Variants in SMCO1 observed in about 807,000 individuals in gnomAD.
SMCO1 encodes single-pass membrane protein with coiled-coil domains 1, also known as single-pass membrane and coiled-coil domain-containing protein 1.
Under a neutral mutation model 7.5 loss-of-function variants are expected in SMCO1, and 9 were observed. The observed-to-expected ratio is 1.20, with a 90% confidence interval of 0.72 to 2.09. The LOEUF (loss-of-function observed/expected upper bound fraction) is 2.09. Among genes scored for constraint, SMCO1 ranks in the 30% most tolerant of loss-of-function variants. The pLI is 0.00. For synonymous variants in SMCO1, 90 were observed against 93.8 expected (o/e 0.96, Z 0.23); for missense variants, 219 against 253.1 (o/e 0.87, Z 0.91).
upstream of SMCO1, among the ~76,000 whole-genome samples, chr3:196,516,031 A>ATATG (rs58801625): frequency 9.5e-6 from 1 of 105,704 alleles, no homozygotes; most frequent in Non-Finnish European, 1.9e-5. Context: ...ATATATATAT[A>ATATG]ATTATATATA....
chr3:196,520,491 C>A, the SMCO1 span, among the ~76,000 whole-genome samples: 2 of 152,096 alleles, frequency 1.3e-5, no homozygotes, highest in Non-Finnish European at 2.9e-5. Context: ...TCCAGCTCCA[C>A]CATCTTCAAT....
rs114324444 is a variant in SMCO1, at chr3:196,510,491, G to A, written c.51-822C>T. On this transcript the variant is annotated intron_variant, in intron 1 of 2. Coordinates refer to ENST00000397537, the MANE Select transcript of SMCO1 (RefSeq NM_001077657.3). ...CCTTCACCCTTTGCTCCTATCTTCC[G>A]CCAGTCCCCTCACCCATCCTAGTCA... is the stretch of plus-strand genomic sequence containing the variant. Among the ~76,000 whole-genome samples the A allele has an allele frequency of 6.4e-3, 968 of 152,044 alleles. 11 individuals carry two copies. Among genetic ancestry groups the A allele is most frequent in the African/African-American group, 0.022 (911 of 41,462 alleles).
At chr3:196,518,407 T>C (rs1003482880), upstream of SMCO1, among the ~76,000 whole-genome samples, 1 of 152,258 alleles carries the variant, frequency 6.6e-6, no homozygotes, top group Non-Finnish European at 1.5e-5. Flanking sequence ...TCTATGTTGC[T>C]AATTTTCTCG....
At chr3:196,520,221 G>T (rs139481533), upstream of SMCO1, among the ~76,000 whole-genome samples, 1 of 152,130 alleles carries the variant, frequency 6.6e-6, no homozygotes, top group African/African-American at 2.4e-5. Flanking sequence ...CCAAAAATTC[G>T]ATCTTTTCTG....
intron 2 of SMCO1, 29 bp from the exon 3 acceptor site, chr3:196,508,360 C>T (rs564843882): frequency 1.9e-5 from 29 of 1,543,486 alleles, no homozygotes; most frequent in South Asian, 3.8e-5. Context: ...GCTTCTTAAG[C>T]GGTCAAAAAT....
chr3:196,515,987 GGATATATATATATATATAT>G (rs1560286036), upstream of SMCO1, among the ~76,000 whole-genome samples: 15 of 8,528 alleles, frequency 1.8e-3, 1 homozygote, highest in African/African-American at 0.016. Context: ...CAAGAGGATA[GGATATATATATATATATAT>G]ATATATATAT....
rs553509999 is a variant in SMCO1 at position 196,511,338 on chromosome 3, C to T, written c.51-1669G>A. Among the ~76,000 whole-genome samples, 12 of 126,168 alleles carry T rather than the reference C, an allele frequency of 9.5e-5. 1 individual carries two copies. The South Asian group carries it at 1.1e-3, about 11-fold the overall frequency. The allele number at this position is 126,168 out of a possible 152,430, so 82.8% of individuals were successfully genotyped here. On this transcript the variant is annotated intron_variant, in intron 1 of 2. Coordinates refer to ENST00000397537, the MANE Select transcript of SMCO1 (RefSeq NM_001077657.3). ...TGTCTTTATGAGGGAAACTTGCCTGCGCCAAGTAGATTGTTGTTATGAGGG... is the reference window on the plus strand; with the variant it reads ...TGTCTTTATGAGGGAAACTTGCCTGTGCCAAGTAGATTGTTGTTATGAGGG...
At position 196,515,338 on chromosome 3, in the gene SMCO1, A is replaced by G. The variant is rs188692510; in HGVS notation, c.-129T>C. On this transcript the variant is annotated 5_prime_UTR_variant, in exon 1 of 3. It removes an upstream start codon present in the reference 5' UTR. Transcript: ENST00000397537. ...GCAGTAGCAGGAGCGCTCAGTCTACATTCTGCCTGAAAGGTCACTCAGTAC... is the reference window on the plus strand; with the variant it reads ...GCAGTAGCAGGAGCGCTCAGTCTACGTTCTGCCTGAAAGGTCACTCAGTAC... The G allele has an allele frequency of 1.4e-3, 989 of 686,392 alleles. 2 individuals are homozygous for G. The highest frequency in any genetic ancestry group is 2.2e-3 in the Middle Eastern group (8 of 3,594). 42.5% of individuals were successfully genotyped at this position (686,392 alleles called of 1,614,324 possible).
intron 1 of SMCO1, among the ~76,000 whole-genome samples, chr3:196,510,691 C>G (rs1214099395): frequency 6.6e-6 from 1 of 152,144 alleles, no homozygotes; most frequent in Admixed American, 6.6e-5. Context: ...GATCTCCTTG[C>G]CCCCCTGCGT....
upstream of SMCO1, among the ~76,000 whole-genome samples, chr3:196,519,862 G>A (rs926179291): frequency 4.6e-5 from 7 of 152,254 alleles, no homozygotes; most frequent in East Asian, 9.7e-4. Context: ...ATGGCTTGGA[G>A]AGTCACACCT....
chr3:196,514,544 A>C (rs921809086), intron 1 of SMCO1, among the ~76,000 whole-genome samples: 1 of 152,204 alleles, frequency 6.6e-6, no homozygotes, highest in South Asian at 2.1e-4. Context: ...GTCACATTAA[A>C]TTGTAAATGT....
At chr3:196,517,700 C>T (rs2108665573), upstream of SMCO1, among the ~76,000 whole-genome samples, 1 of 152,182 alleles carries the variant, frequency 6.6e-6, no homozygotes, top group South Asian at 2.1e-4. Flanking sequence ...GATGGACTCT[C>T]ACTCTGTTGC....
At chr3:196,509,783 T>G in intron 1 of SMCO1, 114 bp from the exon 2 acceptor site, 1 of 885,646 alleles carries the variant, frequency 1.1e-6, no homozygotes, top group South Asian at 3.0e-5. Flanking sequence ...TGGATAACTT[T>G]TTTTTTTTTA....
intron 1 of SMCO1, 163 bp downstream of exon 1, chr3:196,514,997 C>T (rs2108664174): frequency 1.2e-6 from 1 of 807,392 alleles, no homozygotes; most frequent in Non-Finnish European, 2.1e-6. Context: ...ACCTCGGCCT[C>T]CCAGTGTGCT....
upstream of SMCO1, among the ~76,000 whole-genome samples, chr3:196,518,888 G>T (rs1242570620): frequency 6.6e-6 from 1 of 152,196 alleles, no homozygotes; most frequent in African/African-American, 2.4e-5. Flanking sequence ...ATACCCATGG[G>T]TCACTGGGCA....
intron 1 of SMCO1, 111 bp from the exon 2 acceptor site, chr3:196,509,780 CT>C (rs11337372): frequency 0.14 from 89,741 of 651,566 alleles, 2,253 homozygotes; most frequent in African/African-American, 0.32. Context: ...ATTTGGATAA[CT>C]TTTTTTTTTT....
In SMCO1 at chr3:196,507,264, C is replaced by G. The variant is rs1044559292; in HGVS notation, c.*623G>C. 6.6e-6 allele frequency: 1 copy of G among 152,252 alleles called. No individual in the cohort carries two copies. The highest frequency in any genetic ancestry group is 2.4e-5 in the African/African-American group (1 of 41,408). 9.4% of individuals were successfully genotyped at this position (152,252 alleles called of 1,614,324 possible). ...TCACCAGGGACCCCTCCCTGTCTGC[C>G]TAGGAATTTACCTGCCTCCTATTGC... On this transcript the variant is annotated 3_prime_UTR_variant, in exon 3 of 3. Transcript: ENST00000397537.
chr3:196,510,657 T>C (rs1235032821), intron 1 of SMCO1, among the ~76,000 whole-genome samples: 1 of 152,166 alleles, frequency 6.6e-6, no homozygotes, highest in Non-Finnish European at 1.5e-5. Flanking sequence ...ATCCACTGCC[T>C]TTTTGAATCC....
intron 2 of SMCO1, among the ~76,000 whole-genome samples, chr3:196,508,738 A>T (rs1577531917): frequency 6.6e-6 from 1 of 150,920 alleles, no homozygotes; most frequent in Non-Finnish European, 1.5e-5. Flanking sequence ...GGAGTTTGAG[A>T]CCAGCCTGGC....
Sources: gnomAD v4.1 joint callset for allele counts (sites outside exome capture counted in the v4.1 genomes callset) on GRCh38, gnomAD v4.1.1 for gene constraint, MANE v1.5 for transcripts, NCBI Gene and HGNC (gene_info 2026-07-23, HGNC 2026-07-21) for gene names.